The following TDRD12 variants were observed in gnomAD, a reference collection of about 807,000 sequenced individuals.
TDRD12 encodes the protein tudor domain containing 12.
In TDRD12, 158 loss-of-function variants were observed where a neutral mutation model predicts 133.5. The observed-to-expected ratio is 1.18, with a 90% CI of 1.04 to 1.35. The LOEUF (loss-of-function observed/expected upper bound fraction) is 1.35, where lower values mean the gene tolerates loss of function less well. Among genes scored for constraint, TDRD12 ranks in the 40% most tolerant of loss-of-function variants. The pLI, the probability that TDRD12 is intolerant of heterozygous loss-of-function variation, is 0.00. For synonymous variants in TDRD12, 460 were observed against 477.9 expected, an observed-to-expected ratio of 0.96 and a Z score of 0.49; for missense variants, 1,443 against 1,321.3, an observed-to-expected ratio of 1.09 and a Z score of -1.43.
chr19:32,752,881 C>T (rs552956271), intron 6 of TDRD12, among the ~76,000 whole-genome samples: 3 of 151,352 alleles, frequency 2.0e-5, no homozygotes, highest in South Asian at 2.1e-4. Flanking sequence ...CAAGCTCCAC[C>T]TCCTGGGTTC....
At chr19:32,736,189 G>T (rs563243978) in intron 2 of TDRD12, among the ~76,000 whole-genome samples, 1 of 152,106 alleles carries the variant, frequency 6.6e-6, no homozygotes, top group Non-Finnish European at 1.5e-5. Context: ...ATCTGTTCAC[G>T]CATGGCTTAC....
At chr19:32,730,183 G>A (rs1326049065) in intron 1 of TDRD12, among the ~76,000 whole-genome samples, 1 of 152,124 alleles carries the variant, frequency 6.6e-6, no homozygotes, top group Non-Finnish European at 1.5e-5. Context: ...GTGTTCTTAT[G>A]CAGACTTTAG....
chr19:32,803,659 G>A (rs888177399), intron 21 of TDRD12, among the ~76,000 whole-genome samples: 4 of 152,284 alleles, frequency 2.6e-5, no homozygotes, highest in East Asian at 1.9e-4. Flanking sequence ...GTAGGCATGC[G>A]TTTAACTCTT....
exon 3 of TDRD12, chr19:32,738,864 G>C: frequency 1.9e-6 from 3 of 1,551,048 alleles, no homozygotes; most frequent in Non-Finnish European, 2.6e-6. Flanking sequence ...AGGTGTGTGT[G>C]GTCTATTGTG....
At chr19:32,777,857 ATTTTTTTTTTTTTTTTTTTTT>A (rs869285558) in intron 11 of TDRD12, among the ~76,000 whole-genome samples, 2 of 20,052 alleles carry the variant, frequency 1.0e-4, no homozygotes, top group African/African-American at 4.2e-4. Flanking sequence ...ATATATATAT[ATTTTTTTTTTTTTTTTTTTTT>A]TTTTTTTTTT....
intron 27 of TDRD12, among the ~76,000 whole-genome samples, chr19:32,819,188 A>G (rs1039671552): frequency 1.3e-5 from 2 of 151,970 alleles, no homozygotes; most frequent in Non-Finnish European, 2.9e-5. Flanking sequence ...TTGGTGGTAC[A>G]AGCCTGTAGT....
intron 10 of TDRD12, among the ~76,000 whole-genome samples, chr19:32,774,393 C>T (rs1385329628): frequency 2.0e-5 from 3 of 151,368 alleles, no homozygotes; most frequent in South Asian, 2.1e-4. Flanking sequence ...GTATTATTTT[C>T]CTTCCACCTA....
chr19:32,816,007 A>G (rs1057228847), intron 26 of TDRD12, among the ~76,000 whole-genome samples: 1 of 130,442 alleles, frequency 7.7e-6, no homozygotes, highest in Non-Finnish European at 1.6e-5. Context: ...AAGAAAAAAA[A>G]AAAAGTAGAA....
intron 21 of TDRD12, among the ~76,000 whole-genome samples, chr19:32,806,337 G>GTTTTTTT (rs58555952): frequency 7.4e-6 from 1 of 135,282 alleles, no homozygotes; most frequent in East Asian, 2.2e-4. Flanking sequence ...AGAAGACCGA[G>GTTTTTTT]TTTTTTTTTT....
At chr19:32,760,532 T>C (rs1009853339) in intron 8 of TDRD12, among the ~76,000 whole-genome samples, 1 of 152,230 alleles carries the variant, frequency 6.6e-6, no homozygotes, top group Admixed American at 6.5e-5. Context: ...TTTTTTTATT[T>C]GCAACCTCTT....
intron 11 of TDRD12, among the ~76,000 whole-genome samples, chr19:32,782,125 AC>A (rs1405060926): frequency 1.5e-5 from 1 of 66,950 alleles, no homozygotes; most frequent in Non-Finnish European, 3.1e-5. Flanking sequence ...CTAGCCCCCC[AC>A]CCCCCACAGG....
chr19:32,772,891 A>G, intron 9 of TDRD12, 41 bp downstream of exon 9: 1 of 1,187,664 alleles, frequency 8.4e-7, no homozygotes, highest in East Asian at 2.9e-5. Context: ...AAGTTCATAT[A>G]GTGTTAATTT....
chr19:32,780,535 C>T (rs1970733212), intron 11 of TDRD12, among the ~76,000 whole-genome samples: 1 of 152,214 alleles, frequency 6.6e-6, no homozygotes, highest in South Asian at 2.1e-4. Flanking sequence ...TGCCAAAGAA[C>T]ACAGTGAGTG....
exon 28 of TDRD12, chr19:32,821,097 G>A (rs1453451620): frequency 3.3e-5 from 50 of 1,536,018 alleles, no homozygotes; most frequent in Non-Finnish European, 4.4e-5. Flanking sequence ...GGGTGCAGAA[G>A]GAGGGGCTGA....
exon 25 of TDRD12, chr19:32,813,699 C>T (rs75360651): frequency 5.2e-6 from 8 of 1,530,566 alleles, no homozygotes; most frequent in Non-Finnish European, 7.0e-6. Context: ...TAGGTACATT[C>T]ATCATAAAAT....
Position 32,800,362 on chromosome 19 carries a change from A to G in TDRD12, c.1950+4A>G, listed in dbSNP as rs1377440929. 1.3e-6 allele frequency: 2 copies of G among 1,506,344 alleles called. No homozygotes were observed. Among genetic ancestry groups the G allele is most frequent in the Non-Finnish European group, 1.8e-6 (2 of 1,134,254 alleles). The allele number at this position is 1,506,344 out of a possible 1,614,324, so 93.3% of individuals were successfully genotyped here. A position where few individuals can be genotyped will look rare whatever the true frequency, so the allele number is the denominator to read the frequency against. On this transcript the variant is annotated splice_donor_region_variant and intron_variant, in intron 17 of 27. Coordinates refer to ENST00000444215, the Ensembl canonical transcript of TDRD12. ...TCTCTATGGCAATGTCCAACAGGTA[A>G]CTTTGTGTGTATGTGTATGTGTATG...
rs753384518 is a variant in TDRD12 at position 32,773,459 on chromosome 19, G to C, written c.967G>C (p.Val323Leu). Reference sequence around the variant, plus strand: ...GAAGAAAAGTTTTCTTTTACAGCGTGTTGAATCCTCAGTGTACTGGCCAGC... The same window carrying C: ...GAAGAAAAGTTTTCTTTTACAGCGTCTTGAATCCTCAGTGTACTGGCCAGC... The change falls in exon 10 of 28, where the codon GTT becomes CTT. Residue 323 changes from valine (V) to leucine (L), a missense_variant. By Grantham distance (32) the Val-to-Leu change is conservative (BLOSUM62 1). Coordinates refer to ENST00000444215, the Ensembl canonical transcript of TDRD12. 3.5e-5 allele frequency: 55 copies of C among 1,551,624 alleles called. 1 individual carries two copies. The South Asian group carries it at 4.4e-4, about 12-fold the overall frequency.
intron 16 of TDRD12, among the ~76,000 whole-genome samples, chr19:32,799,192 G>A (rs1203128710): frequency 6.6e-6 from 1 of 151,852 alleles, no homozygotes; most frequent in East Asian, 1.9e-4. Context: ...AGTAATGATG[G>A]CCCCAGTTTT....
At chr19:32,736,333 TTG>T (rs1316094334) in intron 2 of TDRD12, among the ~76,000 whole-genome samples, 2 of 152,176 alleles carry the variant, frequency 1.3e-5, no homozygotes, top group Non-Finnish European at 2.9e-5. Flanking sequence ...GGAAGATCAC[TTG>T]GGCCCAGGAG....
Sources: gnomAD v4.1 joint callset for allele counts (sites outside exome capture counted in the v4.1 genomes callset) on GRCh38, gnomAD v4.1.1 for gene constraint, MANE v1.5 for transcripts, NCBI Gene and HGNC (gene_info 2026-07-23, HGNC 2026-07-21) for gene names.